CSMD1: variants seen among roughly 807,000 people sequenced by gnomAD.
CSMD1 encodes CUB and sushi domain-containing protein 1.
In CSMD1, 213 loss-of-function variants were observed where a neutral mutation model predicts 417.5. The observed-to-expected ratio is 0.51, with a 90% CI of 0.46 to 0.57. The LOEUF (loss-of-function observed/expected upper bound fraction) is 0.57, where lower values mean the gene tolerates loss of function less well. Ranked by LOEUF, CSMD1 falls within the 20% of genes least tolerant of loss-of-function variation. CSMD1 has a pLI of 0.00. For synonymous variants in CSMD1, 2,862 were observed against 1,736.8 expected (o/e 1.65, Z -16.11); for missense variants, 6,923 against 4,529.7 (o/e 1.53, Z -15.17).
intron 4 of CSMD1, among the ~76,000 whole-genome samples, chr8:4,021,470 G>A (rs972460132): frequency 6.6e-6 from 1 of 152,150 alleles, no homozygotes. Context: ...TGTTGGTTAA[G>A]CGTGTGGCAG....
chr8:4,835,945 A>T (rs933743359), intron 1 of CSMD1, among the ~76,000 whole-genome samples: 1 of 152,150 alleles, frequency 6.6e-6, no homozygotes, highest in African/African-American at 2.4e-5. Context: ...GGGAAATTTA[A>T]TTTATATTTT....
At chr8:4,170,081 C>A (rs1280329794) in intron 3 of CSMD1, among the ~76,000 whole-genome samples, 1 of 151,730 alleles carries the variant, frequency 6.6e-6, no homozygotes, top group Non-Finnish European at 1.5e-5. Flanking sequence ...GTGGGTGAGT[C>A]AAAGATTAAA....
intron 12 of CSMD1, among the ~76,000 whole-genome samples, chr8:3,468,270 C>G (rs1433024928): frequency 6.6e-6 from 1 of 152,160 alleles, no homozygotes; most frequent in Non-Finnish European, 1.5e-5. Flanking sequence ...AGCTCAAAAA[C>G]AATGACAGGC....
At chr8:4,022,248 T>A (rs1792577742) in intron 4 of CSMD1, among the ~76,000 whole-genome samples, 1 of 150,650 alleles carries the variant, frequency 6.6e-6, no homozygotes, top group Non-Finnish European at 1.5e-5. Flanking sequence ...TTTTGGTCTA[T>A]GCCTCACTAT....
chr8:3,658,372 C>G (rs1465330489), intron 7 of CSMD1, among the ~76,000 whole-genome samples: 1 of 151,088 alleles, frequency 6.6e-6, no homozygotes, highest in African/African-American at 2.4e-5. Flanking sequence ...AAGAATTACT[C>G]TTTTTATTTG....
At chr8:4,699,127 TTGGA>T (rs1211081190) in intron 1 of CSMD1, among the ~76,000 whole-genome samples, 1 of 152,194 alleles carries the variant, frequency 6.6e-6, no homozygotes, top group African/African-American at 2.4e-5. Flanking sequence ...AATCATTTAC[TTGGA>T]TGATGCCAGA....
intron 25 of CSMD1, among the ~76,000 whole-genome samples, chr8:3,298,434 A>G (rs1416336419): frequency 1.3e-4 from 19 of 151,838 alleles, no homozygotes; most frequent in Admixed American, 1.2e-3. Context: ...AGTGAGACAC[A>G]TAATTAATAA....
intron 2 of CSMD1, among the ~76,000 whole-genome samples, chr8:4,550,661 T>C (rs558855891): frequency 6.6e-6 from 1 of 152,308 alleles, no homozygotes; most frequent in South Asian, 2.1e-4. Context: ...ACAGTTTACC[T>C]AGACAAAGGT....
chr8:3,917,929 A>C (rs1184523320), intron 5 of CSMD1, among the ~76,000 whole-genome samples: 1 of 152,184 alleles, frequency 6.6e-6, no homozygotes, highest in East Asian at 1.9e-4. Context: ...TTTTTTAAGC[A>C]TTTAAAATCT....
chr8:3,474,218 G>C (rs4875232), intron 11 of CSMD1, among the ~76,000 whole-genome samples: 1 of 151,968 alleles, frequency 6.6e-6, no homozygotes, highest in African/African-American at 2.4e-5. Flanking sequence ...ATTAGCTAAT[G>C]AGCTGGTTGG....
At chr8:3,320,509 T>A (rs1178449300) in intron 23 of CSMD1, among the ~76,000 whole-genome samples, 1 of 152,204 alleles carries the variant, frequency 6.6e-6, no homozygotes, top group Non-Finnish European at 1.5e-5. Flanking sequence ...CTGTTATGAC[T>A]CATAGGCTGA....
intron 3 of CSMD1, among the ~76,000 whole-genome samples, chr8:4,055,930 A>G (rs930255200): frequency 2.6e-5 from 4 of 152,144 alleles, no homozygotes; most frequent in African/African-American, 4.8e-5. Flanking sequence ...TTAAACAAAA[A>G]TATGTAAATT....
chr8:4,024,539 C>G (rs1796964234), intron 4 of CSMD1, among the ~76,000 whole-genome samples: 1 of 152,256 alleles, frequency 6.6e-6, no homozygotes. Flanking sequence ...AATCAGAGGT[C>G]AAGTCAATTT....
At chr8:3,498,545 C>G (rs867750636) in intron 10 of CSMD1, among the ~76,000 whole-genome samples, 3 of 152,232 alleles carry the variant, frequency 2.0e-5, no homozygotes, top group Middle Eastern at 3.4e-3. Context: ...ACATATTTCT[C>G]CAAAAATTTG....
chr8:3,827,735 C>T (rs1316209236), intron 5 of CSMD1, among the ~76,000 whole-genome samples: 1 of 152,180 alleles, frequency 6.6e-6, no homozygotes, highest in Non-Finnish European at 1.5e-5. Flanking sequence ...CCTCATTGTA[C>T]TTCTTCACTA....
chr8:4,948,184 G>T (rs1339890628), intron 1 of CSMD1, among the ~76,000 whole-genome samples: 1 of 151,752 alleles, frequency 6.6e-6, no homozygotes, highest in African/African-American at 2.4e-5. Context: ...TTTACCTCTC[G>T]CTATTGCTAC....
chr8:4,801,134 T>G (rs1798261023), intron 1 of CSMD1, among the ~76,000 whole-genome samples: 1 of 152,196 alleles, frequency 6.6e-6, no homozygotes, highest in Non-Finnish European at 1.5e-5. Flanking sequence ...CATTTTACAT[T>G]TTTTGTATCT....
At chr8:3,461,726 A>G (rs1413406080) in intron 12 of CSMD1, among the ~76,000 whole-genome samples, 1 of 152,196 alleles carries the variant, frequency 6.6e-6, no homozygotes. Context: ...CAGGAGAAAA[A>G]GCTGGGGCCA....
At chr8:3,636,048 T>C (rs1056341615) in intron 7 of CSMD1, among the ~76,000 whole-genome samples, 14 of 151,072 alleles carry the variant, frequency 9.3e-5, no homozygotes, top group Admixed American at 4.7e-4. Context: ...CTTAATATCC[T>C]TACTCTATAA....
Sources: allele counts gnomAD v4.1 joint callset (sites outside exome capture counted in the v4.1 genomes callset), GRCh38; gene constraint gnomAD v4.1.1; transcripts MANE v1.5; gene names NCBI Gene and HGNC (gene_info 2026-07-23, HGNC 2026-07-21).